CAPS2: variants seen among roughly 807,000 people sequenced by gnomAD.
CAPS2 encodes calcyphosine 2, also known as calcyphosin-2.
A neutral mutation model predicts 86.5 loss-of-function variants in CAPS2; 98 were observed. The ratio of observed to expected loss-of-function variants is 1.13; its 90% CI spans 0.96 to 1.34. The LOEUF (loss-of-function observed/expected upper bound fraction) is 1.34. CAPS2 is among the 40% of genes most tolerant of loss of function. The pLI, the probability that CAPS2 is intolerant of heterozygous loss-of-function variation, is 0.00. For missense variants in CAPS2, 729 were observed against 686.8 expected, an observed-to-expected ratio of 1.06 and a Z score of -0.69; for synonymous variants, 210 against 225.1, an observed-to-expected ratio of 0.93 and a Z score of 0.60.
intron 1 of CAPS2, chr12:75,371,313 G>A (rs2044343495): frequency 1.2e-5 from 2 of 167,136 alleles, no homozygotes; most frequent in South Asian, 1.1e-4. Flanking sequence ...GAAAGATGAA[G>A]GCTGGAAGAT....
At chr12:75,297,733 C>T (rs2037140934) in intron 11 of CAPS2, among the ~76,000 whole-genome samples, 1 of 152,162 alleles carries the variant, frequency 6.6e-6, no homozygotes, top group South Asian at 2.1e-4. Flanking sequence ...CTTGAACTCT[C>T]CTCCAACCAG....
upstream of CAPS2, among the ~76,000 whole-genome samples, chr12:75,333,610 AG>A (rs1343161011): frequency 6.6e-6 from 1 of 152,206 alleles, no homozygotes; most frequent in Non-Finnish European, 1.5e-5. Flanking sequence ...AATTTCCATT[AG>A]GATCCTTGCA....
intron 1 of CAPS2, among the ~76,000 whole-genome samples, chr12:75,348,861 G>A (rs2042620534): frequency 6.6e-6 from 1 of 152,152 alleles, no homozygotes; most frequent in Non-Finnish European, 1.5e-5. Flanking sequence ...ACAACAAAGG[G>A]CCGTGATCTC....
At chr12:75,341,794 G>C (rs954940887) in intron 1 of CAPS2, among the ~76,000 whole-genome samples, 1 of 123,106 alleles carries the variant, frequency 8.1e-6, no homozygotes, top group Admixed American at 1.0e-4. Flanking sequence ...CTGTCACCCA[G>C]ACTGGAGGGC....
intron 7 of CAPS2, among the ~76,000 whole-genome samples, chr12:75,308,456 G>A (rs891980028): frequency 6.6e-6 from 1 of 152,156 alleles, no homozygotes; most frequent in Non-Finnish European, 1.5e-5. Flanking sequence ...CCACCCTGTG[G>A]AGTATACTTT....
At chr12:75,321,490 C>T in exon 5 of CAPS2, 3 of 1,546,210 alleles carry the variant, frequency 1.9e-6, no homozygotes, top group African/African-American at 1.4e-5. Flanking sequence ...GCTTATAGCC[C>T]TCTTTAATTT....
At chr12:75,375,135 C>T (rs896426668) in intron 1 of CAPS2, among the ~76,000 whole-genome samples, 1 of 152,188 alleles carries the variant, frequency 6.6e-6, no homozygotes, top group African/African-American at 2.4e-5. Flanking sequence ...CAATAGCCCT[C>T]ACCCTATTGG....
chr12:75,279,728 A>C (rs927001141), intron 16 of CAPS2, among the ~76,000 whole-genome samples: 2 of 152,092 alleles, frequency 1.3e-5, no homozygotes, highest in Non-Finnish European at 2.9e-5. Flanking sequence ...ATAAAATACA[A>C]GTTGAATGTA....
At chr12:75,279,996 C>T (rs1004276810) in intron 16 of CAPS2, among the ~76,000 whole-genome samples, 2 of 151,720 alleles carry the variant, frequency 1.3e-5, no homozygotes, top group African/African-American at 4.8e-5. Flanking sequence ...TCCTTTATAC[C>T]CCTCACCCAG....
intron 1 of CAPS2, among the ~76,000 whole-genome samples, chr12:75,350,199 C>T (rs2042714560): frequency 6.6e-6 from 1 of 152,230 alleles, no homozygotes; most frequent in South Asian, 2.1e-4. Context: ...GAGGGATTTT[C>T]AGCACCCCCA....
At chr12:75,307,124 C>A (rs981673534) in intron 7 of CAPS2, among the ~76,000 whole-genome samples, 1 of 152,038 alleles carries the variant, frequency 6.6e-6, no homozygotes, top group Admixed American at 6.6e-5. Context: ...TTGCCTGCCG[C>A]GATAATTAGC....
At chr12:75,369,554 G>T (rs908807917) in intron 1 of CAPS2, 66 of 983,358 alleles carry the variant, frequency 6.7e-5, no homozygotes, top group Non-Finnish European at 8.0e-5. Context: ...AAGACATCGA[G>T]AAATATTTGG....
intron 1 of CAPS2, among the ~76,000 whole-genome samples, chr12:75,354,127 T>C (rs765577712): frequency 1.5e-5 from 2 of 131,920 alleles, no homozygotes; most frequent in African/African-American, 6.0e-5. Context: ...AACATAGTAT[T>C]GGAAGTTCTG....
At chr12:75,293,968 T>C (rs1283869426) in intron 11 of CAPS2, among the ~76,000 whole-genome samples, 3 of 152,196 alleles carry the variant, frequency 2.0e-5, no homozygotes, top group Non-Finnish European at 2.9e-5. Flanking sequence ...AGTCTCGCAC[T>C]GTCGCCCAGG....
chr12:75,323,287 A>G, intron 2 of CAPS2, 65 bp from the exon 4 acceptor site: 2 of 1,273,078 alleles, frequency 1.6e-6, no homozygotes, highest in African/African-American at 1.5e-5. Context: ...TGCAAATCTT[A>G]TATGTTACAT....
At chr12:75,361,358 A>G (rs1565999496) in intron 1 of CAPS2, among the ~76,000 whole-genome samples, 1 of 152,228 alleles carries the variant, frequency 6.6e-6, no homozygotes, top group Non-Finnish European at 1.5e-5. Flanking sequence ...CAAGTTCTCA[A>G]TCCAGTACAA....
In CAPS2 at chr12:75,321,517, A is replaced by T; in HGVS notation, c.351T>A (p.Tyr117Ter). 6.5e-7 allele frequency: 1 copy of T among 1,548,486 alleles called. No individual in the cohort carries two copies. Among genetic ancestry groups the T allele is most frequent in the African/African-American group, 1.4e-5 (1 of 73,040 alleles). ...CTTTAATTTCAGTTTTACATTGCTG[A>T]TATTTTAGTTTACATTTGTCTGTTG... Residue 117 changes from tyrosine to a stop codon, truncating the protein, a stop_gained, in exon 5 of 17, where the codon TAT (tyrosine) becomes TAA (stop). Transcript: ENST00000393284. LOFTEE classifies it high-confidence loss of function.
intron 1 of CAPS2, among the ~76,000 whole-genome samples, chr12:75,376,106 A>G (rs1053716008): frequency 5.3e-5 from 8 of 152,200 alleles, no homozygotes. Context: ...CTTCGTCTAC[A>G]TTAAACCAAG....
intron 4 of CAPS2, 33 bp from the exon 5 acceptor site, chr12:75,321,609 A>G (rs1415084213): frequency 6.4e-6 from 9 of 1,402,396 alleles, no homozygotes; most frequent in Non-Finnish European, 8.8e-6. Flanking sequence ...ATGCTATCAG[A>G]AAAAAAAAGT....
Sources: allele counts gnomAD v4.1 joint callset (sites outside exome capture counted in the v4.1 genomes callset), GRCh38; gene constraint gnomAD v4.1.1; transcripts MANE v1.5; gene names NCBI Gene and HGNC (gene_info 2026-07-23, HGNC 2026-07-21).